The following COLEC11 variants were observed in gnomAD, a reference collection of about 807,000 sequenced individuals.
COLEC11 encodes the protein collectin-11.
In COLEC11, 20 loss-of-function variants were observed where a neutral mutation model predicts 27.3. The ratio of observed to expected loss-of-function variants is 0.73; its 90% confidence interval spans 0.51 to 1.06. The LOEUF (loss-of-function observed/expected upper bound fraction) is 1.06, where lower values mean the gene tolerates loss of function less well. Ranked by LOEUF, COLEC11 falls within the 50% of genes least tolerant of loss-of-function variation. The pLI, the probability that COLEC11 is intolerant of heterozygous loss-of-function variation, is 0.00. For synonymous variants in COLEC11, 163 were observed against 154.7 expected (o/e 1.05, Z -0.40); for missense variants, 310 against 383.0 (o/e 0.81, Z 1.59).
chr2:3,615,198 G>A (rs1473779829), intron 3 of COLEC11, among the ~76,000 whole-genome samples: 3 of 151,788 alleles, frequency 2.0e-5, no homozygotes, highest in African/African-American at 7.3e-5. Flanking sequence ...GGGGGATTTG[G>A]CAGGGTCATA....
intron 3 of COLEC11, among the ~76,000 whole-genome samples, chr2:3,624,935 C>T (rs540831988): frequency 2.6e-5 from 4 of 152,104 alleles, no homozygotes; most frequent in Non-Finnish European, 5.9e-5. Flanking sequence ...TGCCATCCTG[C>T]GAGTAAGTGG....
intron 3 of COLEC11, among the ~76,000 whole-genome samples, chr2:3,618,195 A>G (rs1287130806): frequency 6.6e-6 from 1 of 152,170 alleles, no homozygotes; most frequent in Non-Finnish European, 1.5e-5. Flanking sequence ...TGTTAGTTGG[A>G]TAGGTTAGTA....
In COLEC11 at chr2:3,605,147, C is replaced by A. The variant is rs1352479484; in HGVS notation, c.130+677C>A. 7 of 463,506 alleles carry A rather than the reference C, an allele frequency of 1.5e-5. No individual in the cohort carries two copies. In the Admixed American group the frequency reaches 1.7e-4, roughly 12 times the overall value. The allele number at this position is 463,506 out of a possible 1,614,324, so 28.7% of individuals were successfully genotyped here. On this transcript the variant is annotated intron_variant, in intron 2 of 6. Coordinates refer to ENST00000349077, the MANE Select transcript of COLEC11 (RefSeq NM_024027.5). Reference sequence around the variant, plus strand: ...CAACAGGTCCCCAAGCCTGGGGGAGCCCGGTGTGAAATGAAAATGTGGGCC... The same window carrying A: ...CAACAGGTCCCCAAGCCTGGGGGAGACCGGTGTGAAATGAAAATGTGGGCC...
intron 2 of COLEC11, among the ~76,000 whole-genome samples, chr2:3,608,200 G>A (rs1662887629): frequency 6.6e-6 from 1 of 152,224 alleles, no homozygotes; most frequent in Non-Finnish European, 1.5e-5. Flanking sequence ...ATGATTTGCA[G>A]GGAAGCCAAG....
chr2:3,596,472 G>A (rs1238672195), intron 1 of COLEC11, among the ~76,000 whole-genome samples: 1 of 151,960 alleles, frequency 6.6e-6, no homozygotes, highest in African/African-American at 2.4e-5. Flanking sequence ...GAGTAGCTGG[G>A]ATTACAGGTG....
intron 1 of COLEC11, among the ~76,000 whole-genome samples, chr2:3,596,092 C>T (rs962000238): frequency 9.2e-5 from 14 of 152,100 alleles, no homozygotes; most frequent in Non-Finnish European, 1.2e-4. Flanking sequence ...CTAAGAGGAG[C>T]GTGTGCTGTT....
At chr2:3,603,403 G>A (rs946114109) in intron 1 of COLEC11, 82 of 491,636 alleles carry the variant, frequency 1.7e-4, no homozygotes, top group Admixed American at 8.9e-4. Context: ...TGCAACCTCC[G>A]CCTCCTGGGT....
intron 3 of COLEC11, among the ~76,000 whole-genome samples, chr2:3,633,841 G>A (rs149268088): frequency 3.1e-4 from 47 of 152,250 alleles, no homozygotes; most frequent in African/African-American, 9.4e-4. Flanking sequence ...GGACCGGTGC[G>A]GTGGAGAGCT....
intron 2 of COLEC11, chr2:3,605,202 GGACAGCAGAGT>G (rs1425458274): frequency 2.2e-6 from 1 of 445,104 alleles, no homozygotes; most frequent in African/African-American, 2.0e-5. Flanking sequence ...ACCCAAGAAG[GGACAGCAGAGT>G]GTGTGCCAGT....
intron 3 of COLEC11, among the ~76,000 whole-genome samples, chr2:3,616,882 C>T (rs541591015): frequency 2.0e-5 from 3 of 152,168 alleles, no homozygotes; most frequent in African/African-American, 4.8e-5. Flanking sequence ...CAGGTTCATC[C>T]AGGTCACAAA....
intron 1 of COLEC11, among the ~76,000 whole-genome samples, chr2:3,596,518 A>G: frequency 6.6e-6 from 1 of 151,864 alleles, no homozygotes; most frequent in East Asian, 1.9e-4. Flanking sequence ...TGTACTTTTT[A>G]GTGGAGAGGG....
At chr2:3,614,953 C>A (rs1304158201) in intron 3 of COLEC11, among the ~76,000 whole-genome samples, 1 of 152,158 alleles carries the variant, frequency 6.6e-6, no homozygotes, top group South Asian at 2.1e-4. Context: ...CCTTTAAAAT[C>A]CTGAGGGAAA....
chr2:3,610,151 A>G (rs1170504584), intron 2 of COLEC11, among the ~76,000 whole-genome samples: 1 of 152,232 alleles, frequency 6.6e-6, no homozygotes, highest in Non-Finnish European at 1.5e-5. Context: ...TGGTAAAGAC[A>G]CACTGGCGTG....
At chr2:3,635,339 A>AC (rs1172448992) in intron 3 of COLEC11, among the ~76,000 whole-genome samples, 1 of 150,296 alleles carries the variant, frequency 6.7e-6, no homozygotes, top group African/African-American at 2.5e-5. Context: ...GCCTGCCATG[A>AC]CCCCCTTCAC....
intron 3 of COLEC11, among the ~76,000 whole-genome samples, 158 bp from the exon 4 acceptor site, chr2:3,637,375 C>T (rs547158573): frequency 5.3e-5 from 8 of 152,320 alleles, no homozygotes; most frequent in East Asian, 1.9e-4. Context: ...CAGTCACATA[C>T]GTGACCTTGA....
In COLEC11 at chr2:3,604,472, T is replaced by TAACC. The variant is rs1415009813; in HGVS notation, c.130+3_130+6dup. 8 of 1,613,940 alleles carry TAACC rather than the reference T, an allele frequency of 5.0e-6. No homozygotes were observed. The highest frequency in any genetic ancestry group is 5.9e-6 in the Non-Finnish European group (7 of 1,180,004). ...AGATCCTCGTCCCTGGCCTCAAAGG[T>TAACC]AACCGCTCCCTGGACTCTGGGCTGC... On this transcript the variant is annotated splice_region_variant and intron_variant, in intron 2 of 6. Transcript: ENST00000349077.
intron 1 of COLEC11, chr2:3,603,731 C>G: frequency 1.4e-6 from 2 of 1,480,940 alleles, no homozygotes; most frequent in South Asian, 1.2e-5. Flanking sequence ...GGGCTCGGCC[C>G]CCACCTCCCC....
intron 1 of COLEC11, chr2:3,604,024 A>G (rs2147853880): frequency 1.8e-6 from 1 of 569,892 alleles, no homozygotes; most frequent in South Asian, 2.2e-5. Context: ...TTTGTCCCAG[A>G]GATCAGATCG....
chr2:3,613,459 G>A, intron 3 of COLEC11, 77 bp downstream of exon 3: 2 of 1,466,106 alleles, frequency 1.4e-6, no homozygotes, highest in East Asian at 2.5e-5. Context: ...GTGGGGAGGT[G>A]GGGGTGGTGG....
Sources: allele counts gnomAD v4.1 joint callset (sites outside exome capture counted in the v4.1 genomes callset), GRCh38; gene constraint gnomAD v4.1.1; transcripts MANE v1.5; gene names NCBI Gene and HGNC (gene_info 2026-07-23, HGNC 2026-07-21).